MTMR11: variants seen among roughly 807,000 people sequenced by gnomAD.
MTMR11 encodes myotubularin related protein 11, also known as myotubularin-related protein 11.
A neutral mutation model predicts 100.0 loss-of-function variants in MTMR11; 89 were observed. The observed-to-expected ratio is 0.89, with a 90% confidence interval of 0.75 to 1.06. MTMR11 has a LOEUF of 1.06. MTMR11 is among the 50% of genes least tolerant of loss of function. The pLI is 0.00. For missense variants in MTMR11, 809 were observed against 873.7 expected, an observed-to-expected ratio of 0.93 and a Z score of 0.93; for synonymous variants, 336 against 326.3, an observed-to-expected ratio of 1.03 and a Z score of -0.32.
intron 4 of MTMR11, 63 bp from the exon 5 acceptor site, chr1:149,935,191 G>A (rs1274664744): frequency 1.9e-6 from 3 of 1,609,756 alleles, no homozygotes; most frequent in Middle Eastern, 3.3e-4. Context: ...AGGGACTCTT[G>A]CAGCCCATCC....
intron 16 of MTMR11, 35 bp downstream of exon 16, chr1:149,929,588 C>A (rs782363847): frequency 6.3e-7 from 1 of 1,584,784 alleles, no homozygotes; most frequent in Non-Finnish European, 8.6e-7. Flanking sequence ...GAGTCAAGTC[C>A]CTTGTCCCAC....
At position 149,933,863 on chromosome 1, in the gene MTMR11, G is replaced by A. The variant is rs781843807; in HGVS notation, c.763C>T (p.Arg255Cys). ...CTAACCATCACACTGACCGGTCCAC[G>A]GCCCTGATGAAAGTGGCCAAATGCT... ...RRAFGHFHQG[R>C]GPRLSWHHPG... Residue 255 changes from arginine to cysteine, a missense_variant, in exon 8 of 17, where the codon CGT becomes TGT. Arg to Cys is a radical substitution (Grantham distance 180, BLOSUM62 -3). Transcript: ENST00000439741. 5 of 1,614,076 alleles carry A rather than the reference G, an allele frequency of 3.1e-6. No homozygotes were observed. Among genetic ancestry groups the A allele is most frequent in the East Asian group, 2.2e-5 (1 of 44,882 alleles).
chr1:149,935,302 C>G lies in MTMR11; in HGVS notation c.322G>C (p.Ala108Pro). The change falls in exon 4 of 17, where the codon GCT becomes CCT. Residue 108 changes from alanine to proline, a missense_variant. Transcript: ENST00000439741. ...FALVNIGRLE[A>P]VSGLSRVQLL... ...ACCAAACCCCCCCCCAACTTACCAG[C>G]CTCTAATCGTCCAATGTTGACCAGG... 2.5e-6 allele frequency: 4 copies of G among 1,609,852 alleles called. No individual in the cohort carries two copies. The highest frequency in any genetic ancestry group is 3.4e-6 in the Non-Finnish European group (4 of 1,177,946).
In MTMR11 at chr1:149,929,120, A is replaced by C; in HGVS notation, c.*9T>G. 1 of 1,597,916 alleles carries C rather than the reference A, an allele frequency of 6.3e-7. No individual in the cohort carries two copies. Among genetic ancestry groups the C allele is most frequent in the Non-Finnish European group, 8.5e-7 (1 of 1,173,104 alleles). ...AAAAAAAAAAAAAAAGATTAGACAGAACCCTCCTCTACCCCAGATCCCCCT... is the reference window on the plus strand; with the variant it reads ...AAAAAAAAAAAAAAAGATTAGACAGCACCCTCCTCTACCCCAGATCCCCCT... On this transcript the variant is annotated 3_prime_UTR_variant, in exon 17 of 17. Coordinates refer to ENST00000439741, the MANE Select transcript of MTMR11 (RefSeq NM_001145862.2).
chr1:149,932,524 G>C (rs1354052840), intron 10 of MTMR11, among the ~76,000 whole-genome samples, 194 bp from the exon 11 acceptor site: 1 of 152,220 alleles, frequency 6.6e-6, no homozygotes, highest in Non-Finnish European at 1.5e-5. Flanking sequence ...GTATACTTCA[G>C]TGAAGGGTAA....
In MTMR11 at chr1:149,928,972, T is replaced by G; in HGVS notation, c.*157A>C. 6.2e-7 allele frequency: 1 copy of G among 1,612,730 alleles called. No homozygotes were observed. The highest frequency in any genetic ancestry group is 1.1e-5 in the South Asian group (1 of 90,892). On this transcript the variant is annotated 3_prime_UTR_variant, in exon 17 of 17. Transcript: ENST00000439741. ...TTCAAATGACAAGAAGCAAAAATATTTGTAGAAACTAAGCAAGACAAGAGT... is the reference window on the plus strand; with the variant it reads ...TTCAAATGACAAGAAGCAAAAATATGTGTAGAAACTAAGCAAGACAAGAGT...
intron 12 of MTMR11, 167 bp from the exon 13 acceptor site, chr1:149,931,593 T>G (rs1553767701): frequency 1.6e-6 from 1 of 633,722 alleles, no homozygotes; most frequent in Non-Finnish European, 2.6e-6. Flanking sequence ...ACAAAGACCT[T>G]GAATGATTCA....
At chr1:149,935,841 T>G (rs1228573370) in intron 2 of MTMR11, 136 bp from the exon 3 acceptor site, 2 of 1,140,634 alleles carry the variant, frequency 1.8e-6, no homozygotes, top group Non-Finnish European at 2.4e-6. Context: ...CAATGTAAGC[T>G]TATGAGGAAA....
intron 11 of MTMR11, 77 bp downstream of exon 11, chr1:149,932,187 C>G: frequency 6.7e-7 from 1 of 1,490,314 alleles, no homozygotes; most frequent in Non-Finnish European, 9.3e-7. Flanking sequence ...TAAAGAAAGG[C>G]CATTTAGGAC....
At position 149,934,526 on chromosome 1, in the gene MTMR11, C is replaced by T. The variant is rs1559809092; in HGVS notation, c.469G>A (p.Val157Met). 1.2e-6 allele frequency: 2 copies of T among 1,614,010 alleles called. No individual in the cohort carries two copies. The highest frequency in any genetic ancestry group is 1.1e-5 in the South Asian group (1 of 91,088). ...CTGGCTTGGACAATGGCCATGGTCA[C>T]CTGCAGAGGAAAGGACATTCCATCC... ...AGGLEPQAFQVTMAIVQARAQ... is the reference protein window; with the variant it reads ...AGGLEPQAFQMTMAIVQARAQ... The change falls in exon 6 of 17, where the codon GTG becomes ATG. Residue 157 changes from valine to methionine, a missense_variant and splice_region_variant. Val to Met is a conservative substitution (Grantham distance 21, BLOSUM62 1). Coordinates refer to ENST00000439741, the MANE Select transcript of MTMR11 (RefSeq NM_001145862.2).
chr1:149,934,100 C>T, intron 7 of MTMR11, 91 bp downstream of exon 7: 2 of 1,591,714 alleles, frequency 1.3e-6, no homozygotes, highest in Non-Finnish European at 1.7e-6. Context: ...TCCTAGGAGG[C>T]TGGAGTTTGT....
At chr1:149,930,748 C>T in intron 14 of MTMR11, 44 bp downstream of exon 14, 1 of 1,514,172 alleles carries the variant, frequency 6.6e-7, no homozygotes, top group Non-Finnish European at 8.8e-7. Flanking sequence ...GAGAGTACAT[C>T]TCAATGGAAA....
intron 11 of MTMR11, 39 bp downstream of exon 11, chr1:149,932,225 T>C (rs375532647): frequency 1.3e-5 from 20 of 1,597,528 alleles, no homozygotes; most frequent in African/African-American, 1.3e-5. Context: ...TTGAGGAAGG[T>C]TGAATTATAA....
intron 12 of MTMR11, 120 bp downstream of exon 12, chr1:149,931,824 A>T: frequency 1.2e-6 from 1 of 846,514 alleles, no homozygotes; most frequent in Non-Finnish European, 1.9e-6. Context: ...TAGAGCTCGC[A>T]GGTAGTTCCC....
At position 149,930,426 on chromosome 1, in the gene MTMR11, TGTA is replaced by T. The variant is rs1324376263; in HGVS notation, c.1583_1585del (p.Leu528del). 6.2e-7 allele frequency: 1 copy of T among 1,614,018 alleles called. No individual in the cohort carries two copies. On this transcript the variant is annotated inframe_deletion, in exon 15 of 17. Coordinates refer to ENST00000439741, the MANE Select transcript of MTMR11 (RefSeq NM_001145862.2). ...TGGGTCATAGCCAGGATTCTGGAATTGTAGTATCTGTGCATTGCTATAACGTAA... is the reference window on the plus strand; with the variant it reads ...TGGGTCATAGCCAGGATTCTGGAATTGTATCTGTGCATTGCTATAACGTAA...
At chr1:149,930,673 A>G in intron 14 of MTMR11, 119 bp downstream of exon 14, 1 of 1,365,452 alleles carries the variant, frequency 7.3e-7, no homozygotes, top group Non-Finnish European at 9.9e-7. Flanking sequence ...TGAAAATGAG[A>G]ATAAATCTCC....
At chr1:149,929,978 T>C in intron 15 of MTMR11, 62 bp from the exon 16 acceptor site, 1 of 1,533,212 alleles carries the variant, frequency 6.5e-7, no homozygotes, top group Non-Finnish European at 8.8e-7. Context: ...TTCCCCAATC[T>C]GGATCAGGAC....
At position 149,936,254 on chromosome 1, in the gene MTMR11, G is replaced by T. The variant is rs782374478; in HGVS notation, c.67-25C>A. On this transcript the variant is annotated intron_variant, in intron 1 of 16. Coordinates refer to ENST00000439741, the MANE Select transcript of MTMR11 (RefSeq NM_001145862.2). The stretch of plus-strand genomic sequence containing the variant: ...ACTTTGGTCCAGAGGGTTGAGGGGG[G>T]TCTAGAGTTAACCCCTAGGCTCCCC... 3.1e-6 allele frequency: 5 copies of T among 1,613,504 alleles called. No homozygotes were observed. In the Admixed American group the frequency reaches 5.0e-5, roughly 16 times the overall value.
In MTMR11 at chr1:149,930,850, G is replaced by C; in HGVS notation, c.1406C>G (p.Pro469Arg). The change falls in exon 14 of 17, where the codon CCT becomes CGT. Residue 469 changes from proline (P) to arginine (R), a missense_variant. Pro to Arg is a moderately radical substitution (Grantham distance 103). Transcript: ENST00000439741. ...LLALHDSVRV[P>R]DTLTFLRNTP... is the part of the protein sequence containing the mutation. Reference sequence around the variant, plus strand: ...ATTTCTCAGGAAGGTAAGGGTGTCAGGAACCCTGACACTGTCATGAAGAGC... The same window carrying C: ...ATTTCTCAGGAAGGTAAGGGTGTCACGAACCCTGACACTGTCATGAAGAGC... The C allele has an allele frequency of 6.2e-7, 1 of 1,611,204 alleles. No homozygotes were observed. Among genetic ancestry groups the C allele is most frequent in the Non-Finnish European group, 8.5e-7 (1 of 1,178,972 alleles).
Sources: gnomAD v4.1 joint callset for allele counts (sites outside exome capture counted in the v4.1 genomes callset) on GRCh38, gnomAD v4.1.1 for gene constraint, MANE v1.5 for transcripts, NCBI Gene and HGNC (gene_info 2026-07-23, HGNC 2026-07-21) for gene names.